Variants in WBP1 observed in about 807,000 individuals in gnomAD.
WBP1 encodes the protein WW domain-binding protein 1.
In WBP1, 18 loss-of-function variants were observed where a neutral mutation model predicts 25.6. The ratio of observed to expected loss-of-function variants is 0.70; its 90% CI spans 0.49 to 1.04. The LOEUF is 1.04. Ranked by LOEUF, WBP1 falls within the 50% of genes least tolerant of loss-of-function variation. WBP1 has a pLI of 0.00. For missense variants in WBP1, 330 were observed against 352.9 expected (o/e 0.94, Z 0.52); for synonymous variants, 122 against 137.7 (o/e 0.89, Z 0.80).
In WBP1 at chr2:74,459,120, C is replaced by T; in HGVS notation, c.69+449C>T. On this transcript the variant is annotated intron_variant, in intron 1 of 3. Coordinates refer to ENST00000233615, the MANE Select transcript of WBP1 (RefSeq NM_012477.4). ...TCTGGTTGGGAGCACTGCTCTGGGT[C>T]TCACACTGCCCCTCCTCTATCCTAG... is the stretch of plus-strand genomic sequence containing the variant. 3 of 1,541,886 alleles carry T rather than the reference C, an allele frequency of 1.9e-6. No individual in the cohort carries two copies. The Admixed American group carries it at 5.9e-5, about 30-fold the overall frequency.
chr2:74,459,159 C>T, intron 1 of WBP1: 1 of 1,526,402 alleles, frequency 6.6e-7, no homozygotes, highest in Non-Finnish European at 8.8e-7. Flanking sequence ...GCCTGAGGCC[C>T]AGGGGTGGAA....
At position 74,460,242 on chromosome 2, in the gene WBP1, C is replaced by A. The variant is rs1365468779; in HGVS notation, c.371C>A (p.Pro124His). ...LDLRFLSTFK[P>H]PAYEDVVHRP... ...GCAGGCTTCCTCAGCACCTTCAAGC[C>A]CCCAGCCTACGAGGATGTGGTTCAC... Residue 124 changes from proline (P) to histidine (H), a missense_variant, in exon 4 of 4, where the codon CCC (proline) becomes CAC (histidine). Coordinates refer to ENST00000233615, the MANE Select transcript of WBP1 (RefSeq NM_012477.4). 2 of 1,611,882 alleles carry A rather than the reference C, an allele frequency of 1.2e-6. No homozygotes were observed. The highest frequency in any genetic ancestry group is 1.7e-6 in the Non-Finnish European group (2 of 1,178,374).
intron 2 of WBP1, 22 bp from the exon 3 acceptor site, chr2:74,459,851 G>C: frequency 6.2e-7 from 1 of 1,612,794 alleles, no homozygotes; most frequent in South Asian, 1.1e-5. Context: ...TGCCTGAGTT[G>C]CTCCCTCCTT....
Position 74,460,732 on chromosome 2 carries a change from T to G in WBP1, c.*51T>G. On this transcript the variant is annotated 3_prime_UTR_variant, in exon 4 of 4. Transcript: ENST00000233615. ...ACTTGCCCACCAGAAACAGCCCTAG[T>G]CCCAACTCCTTGCGTTCCTTTGGCC... 1 of 1,456,000 alleles carries G rather than the reference T, an allele frequency of 6.9e-7. No individual in the cohort carries two copies. Among genetic ancestry groups the G allele is most frequent in the Non-Finnish European group, 9.2e-7 (1 of 1,082,776 alleles). The allele number at this position is 1,456,000 out of a possible 1,614,324, so 90.2% of individuals were successfully genotyped here.
intron 1 of WBP1, chr2:74,458,947 CT>C: frequency 6.4e-7 from 1 of 1,550,832 alleles, no homozygotes; most frequent in Non-Finnish European, 8.7e-7. Flanking sequence ...CTCCCTCTGT[CT>C]TGCAACAGTT....
rs1041102183 is a variant in WBP1 at position 74,458,921 on chromosome 2, T to G, written c.69+250T>G. 8 of 1,550,906 alleles carry G rather than the reference T, an allele frequency of 5.2e-6. No individual in the cohort carries two copies. The Admixed American group carries it at 1.6e-4, about 30-fold the overall frequency. ...GGCTCTCCAGTGACCAGAGGCATAG[T>G]GAGGTCCCAGGGAGGCTCCCTCTGT... is the stretch of plus-strand genomic sequence containing the variant. On this transcript the variant is annotated intron_variant, in intron 1 of 3. Transcript: ENST00000233615.
intron 1 of WBP1, chr2:74,458,930 A>G (rs1671798209): frequency 6.4e-7 from 1 of 1,550,878 alleles, no homozygotes; most frequent in South Asian, 1.2e-5. Flanking sequence ...GTGAGGTCCC[A>G]GGGAGGCTCC....
intron 1 of WBP1, chr2:74,459,344 T>TGGGGGGTGGGGGGGTG: frequency 2.5e-5 from 6 of 241,864 alleles, no homozygotes; most frequent in Admixed American, 7.6e-5. Context: ...GTAGGGGGGT[T>TGGGGGGTGGGGGGGTG]GGGGAGAGTG....
At position 74,458,451 on chromosome 2, in the gene WBP1, T is replaced by G. The variant is rs1019755693; in HGVS notation, c.-152T>G. ...GCAATCTGAGTCCTAGTTGGTGGAG[T>G]TCTGCCCGGATGGAAGCTCCGGCCG... On this transcript the variant is annotated 5_prime_UTR_variant, in exon 1 of 4. Transcript: ENST00000233615. The G allele has an allele frequency of 2.1e-6, 3 of 1,450,378 alleles. No individual in the cohort carries two copies. The highest frequency in any genetic ancestry group is 2.7e-6 in the Non-Finnish European group (3 of 1,100,760). The allele number at this position is 1,450,378 out of a possible 1,614,324, so 89.8% of individuals were successfully genotyped here. A position where few individuals can be genotyped will look rare whatever the true frequency, so the allele number is the denominator to read the frequency against.
At position 74,458,701 on chromosome 2, in the gene WBP1, A is replaced by T. The variant is rs1392887143; in HGVS notation, c.69+30A>T. ...CCCAATAGCTCCAAAACCTATCACG[A>T]CAGCCATTTGTCTCTTTCCCCTTTC... On this transcript the variant is annotated intron_variant, in intron 1 of 3. Coordinates refer to ENST00000233615, the MANE Select transcript of WBP1 (RefSeq NM_012477.4). 1.9e-6 allele frequency: 3 copies of T among 1,557,368 alleles called. No homozygotes were observed. In the East Asian group the frequency reaches 7.0e-5, roughly 36 times the overall value.
chr2:74,459,215 A>G, intron 1 of WBP1: 1 of 1,404,222 alleles, frequency 7.1e-7, no homozygotes, highest in African/African-American at 1.4e-5. Flanking sequence ...AGGATAATGA[A>G]AGCAACTTGC....
In WBP1 at chr2:74,459,185, TGG is replaced by T; in HGVS notation, c.70-453_70-452del. 6 of 1,507,210 alleles carry T rather than the reference TGG, an allele frequency of 4.0e-6. No homozygotes were observed. The South Asian group carries it at 6.1e-5, about 15-fold the overall frequency. The allele number at this position is 1,507,210 out of a possible 1,614,324, so 93.4% of individuals were successfully genotyped here. On this transcript the variant is annotated intron_variant, in intron 1 of 3. Coordinates refer to ENST00000233615, the MANE Select transcript of WBP1 (RefSeq NM_012477.4). ...AGGGGTGGAAAGATCCAGTTGCGGG[TGG>T]GGGGTAGTGAACCGCGCAGGATAAT...
At chr2:74,459,836 A>G in intron 2 of WBP1, 37 bp from the exon 3 acceptor site, 1 of 1,612,942 alleles carries the variant, frequency 6.2e-7, no homozygotes, top group South Asian at 1.1e-5. Flanking sequence ...TCTCTGCATG[A>G]AAGATGCCTG....
rs775961992 is a variant in WBP1, at chr2:74,459,690, G to C, written c.117G>C (p.Glu39Asp). 1.2e-6 allele frequency: 2 copies of C among 1,614,166 alleles called. No individual in the cohort carries two copies. The highest frequency in any genetic ancestry group is 4.5e-5 in the East Asian group (2 of 44,890). The change falls in exon 2 of 4, where the codon GAG (glutamate) becomes GAC (aspartate). Residue 39 changes from glutamate (E) to aspartate (D), a missense_variant. By Grantham distance (45) the Glu-to-Asp change is conservative (BLOSUM62 2). Coordinates refer to ENST00000233615, the MANE Select transcript of WBP1 (RefSeq NM_012477.4). ...PGVNNQPYLC[E>D]SGHCCGETGC... ...TGAACAACCAGCCCTACCTCTGTGA[G>C]AGTGGTCACTGCTGCGGGGAGACTG... is the stretch of plus-strand genomic sequence containing the variant.
rs146501258 is a variant in WBP1 at position 74,460,289 on chromosome 2, C to T, written c.418C>T (p.Pro140Ser). Residue 140 changes from proline (P) to serine (S), a missense_variant, in exon 4 of 4, where the codon CCT (proline) becomes TCT (serine). Transcript: ENST00000233615. ...VVHRPGTPPP[P>S]YTVAPGRPLT... Reference sequence around the variant, plus strand: ...TCACCGCCCAGGCACACCACCCCCCCCTTATACTGTGGCCCCAGGCCGCCC... The same window carrying T: ...TCACCGCCCAGGCACACCACCCCCCTCTTATACTGTGGCCCCAGGCCGCCC... The T allele has an allele frequency of 3.0e-5, 49 of 1,614,030 alleles. No homozygotes were observed. Among genetic ancestry groups the T allele is most frequent in the Non-Finnish European group, 3.4e-5 (40 of 1,180,000 alleles).
In WBP1 at chr2:74,460,688, T is replaced by C; in HGVS notation, c.*7T>C. The C allele has an allele frequency of 6.5e-7, 1 of 1,545,806 alleles. No individual in the cohort carries two copies. Among genetic ancestry groups the C allele is most frequent in the Non-Finnish European group, 8.8e-7 (1 of 1,142,556 alleles). On this transcript the variant is annotated 3_prime_UTR_variant, in exon 4 of 4. Transcript: ENST00000233615. ...TGAAGGGGACATCCCATAAGTAGTT[T>C]TGAGAGGGTGGATGGGTTACTTGCC...
Position 74,460,377 on chromosome 2 carries a change from A to G in WBP1, c.506A>G (p.Glu169Gly), listed in dbSNP as rs1289492895. The G allele has an allele frequency of 3.7e-6, 6 of 1,613,644 alleles. No homozygotes were observed. The African/African-American group carries it at 8.0e-5, about 22-fold the overall frequency. ...TCATCCAGCTGCCCTGCCCACTTTGAAGGAACAAATGTGGAAGGTGTTTCC... is the reference window on the plus strand; with the variant it reads ...TCATCCAGCTGCCCTGCCCACTTTGGAGGAACAAATGTGGAAGGTGTTTCC... ...SSSSSCPAHF[E>G]GTNVEGVSSH... The change falls in exon 4 of 4, where the codon GAA (glutamate) becomes GGA (glycine). Residue 169 changes from glutamate (E) to glycine (G), a missense_variant. Glu to Gly is a moderately conservative substitution (Grantham distance 98). Coordinates refer to ENST00000233615, the MANE Select transcript of WBP1 (RefSeq NM_012477.4).
Position 74,460,571 on chromosome 2 carries a change from A to G in WBP1, c.700A>G (p.Ser234Gly), listed in dbSNP as rs370769028. The G allele has an allele frequency of 5.0e-6, 8 of 1,613,370 alleles. No homozygotes were observed. In the African/African-American group the frequency reaches 1.1e-4, roughly 22 times the overall value. The change falls in exon 4 of 4, where the codon AGT becomes GGT. Residue 234 changes from serine (S) to glycine (G), a missense_variant. By Grantham distance (56) the Ser-to-Gly change is moderately conservative. Transcript: ENST00000233615. ...TGAGCCAGTCAAGGAGGTGAGGGTT[A>G]GTGCCACCCTGCCAGATCTGGAGGA... ...EGEPVKEVRV[S>G]ATLPDLEDYS...
Position 74,460,458 on chromosome 2 carries a change from C to T in WBP1, c.587C>T (p.Pro196Leu), listed in dbSNP as rs549491734. 4 of 1,613,520 alleles carry T rather than the reference C, an allele frequency of 2.5e-6. No homozygotes were observed. In the African/African-American group the frequency reaches 4.0e-5, roughly 16 times the overall value. ...QEGEPGAGVTPASTPPSCRYR... is the reference protein window; with the variant it reads ...QEGEPGAGVTLASTPPSCRYR... ...GGTGAGCCCGGGGCAGGGGTGACCC[C>T]TGCCTCCACACCCCCCTCCTGCCGC... The change falls in exon 4 of 4, where the codon CCT (proline) becomes CTT (leucine). Residue 196 changes from proline (P) to leucine (L), a missense_variant. By Grantham distance (98) the Pro-to-Leu change is moderately conservative. Coordinates refer to ENST00000233615, the MANE Select transcript of WBP1 (RefSeq NM_012477.4).
Sources: gnomAD v4.1 joint callset for allele counts on GRCh38, gnomAD v4.1.1 for gene constraint, MANE v1.5 for transcripts, NCBI Gene and HGNC (gene_info 2026-07-23, HGNC 2026-07-21) for gene names.